Variants in TRIM33 observed in about 807,000 individuals in gnomAD.
TRIM33 encodes the protein E3 ubiquitin-protein ligase TRIM33.
Under a neutral mutation model 125.4 loss-of-function variants are expected in TRIM33, and 20 were observed. That is an observed-to-expected ratio of 0.16 (90% confidence interval 0.11 to 0.23). The LOEUF is 0.23. Among genes scored for constraint, TRIM33 ranks in the 10% least tolerant of loss-of-function variants. The pLI is 1.00. For synonymous variants in TRIM33, 564 were observed against 513.9 expected (o/e 1.10, Z -1.32); for missense variants, 920 against 1,411.4 (o/e 0.65, Z 5.58).
intron 1 of TRIM33, among the ~76,000 whole-genome samples, chr1:114,501,704 G>T (rs1182885258): frequency 6.6e-6 from 1 of 151,842 alleles, no homozygotes; most frequent in Non-Finnish European, 1.5e-5. Flanking sequence ...CATCAACAAA[G>T]GATCAGTATA....
chr1:114,401,339 C>A, intron 17 of TRIM33, 50 bp downstream of exon 17: 1 of 1,529,068 alleles, frequency 6.5e-7, no homozygotes, highest in Middle Eastern at 1.7e-4. Flanking sequence ...AGCCCATACT[C>A]TTAAGTATTA....
chr1:114,434,283 G>A (rs564156135), intron 4 of TRIM33, among the ~76,000 whole-genome samples: 1 of 152,328 alleles, frequency 6.6e-6, no homozygotes, highest in South Asian at 2.1e-4. Flanking sequence ...TAGGATTACA[G>A]GAGTGGGCCA....
chr1:114,485,375 C>T (rs1223854903), intron 1 of TRIM33, among the ~76,000 whole-genome samples: 2 of 151,908 alleles, frequency 1.3e-5, no homozygotes, highest in Admixed American at 6.6e-5. Context: ...TCCCACCTGG[C>T]AATAATAAGG....
chr1:114,418,136 T>C (rs1336806750), intron 11 of TRIM33, among the ~76,000 whole-genome samples: 1 of 152,168 alleles, frequency 6.6e-6, no homozygotes, highest in Non-Finnish European at 1.5e-5. Flanking sequence ...CCTACAATCA[T>C]GGCAGAAGGC....
Position 114,427,915 on chromosome 1 carries a change from C to T in TRIM33, c.1156-21G>A, listed in dbSNP as rs199868272. On this transcript the variant is annotated intron_variant, in intron 6 of 19. Transcript: ENST00000358465. ...ACATTCTGAAACAGAACAAGAGCTT[C>T]GCTGTAGAATTCCATATGAAAAAAA... The T allele has an allele frequency of 2.0e-4, 323 of 1,611,282 alleles. 2 individuals are homozygous for T. The highest frequency in any genetic ancestry group is 1.1e-3 in the African/African-American group (82 of 74,912).
At chr1:114,510,520 G>A in intron 1 of TRIM33, 31 bp downstream of exon 1, 3 of 1,448,928 alleles carry the variant, frequency 2.1e-6, no homozygotes, top group Non-Finnish European at 2.7e-6. Flanking sequence ...ATCCCTTGCG[G>A]CCCAGATGCC....
chr1:114,419,188 T>A (rs1482489102), intron 11 of TRIM33, among the ~76,000 whole-genome samples: 1 of 106,564 alleles, frequency 9.4e-6, no homozygotes. Context: ...GCAACAGAGC[T>A]AGACACCATC....
chr1:114,456,118 G>T (rs549514835), intron 4 of TRIM33, among the ~76,000 whole-genome samples: 1 of 152,114 alleles, frequency 6.6e-6, no homozygotes, highest in Non-Finnish European at 1.5e-5. Context: ...AGGTGGTTAC[G>T]TCTTCATTAC....
In TRIM33 at chr1:114,425,583, G is replaced by C; in HGVS notation, c.1561C>G (p.Gln521Glu). 1 of 1,614,122 alleles carries C rather than the reference G, an allele frequency of 6.2e-7. No individual in the cohort carries two copies. Among genetic ancestry groups the C allele is most frequent in the Non-Finnish European group, 8.5e-7 (1 of 1,180,016 alleles). Residue 521 changes from glutamine (Q) to glutamate (E), a missense_variant, in exon 9 of 20, where the codon CAA becomes GAA. Coordinates refer to ENST00000358465, the MANE Select transcript of TRIM33 (RefSeq NM_015906.4). ...TGATGTTTCTGTGCATATACTTGTT[G>C]TTGCATGTGCTGGAGTCGAAGCTGT... ...LAQLRLQHMQ[Q>E]QVYAQKHQQL...
Position 114,410,270 on chromosome 1 carries a change from T to C in TRIM33, c.2108A>G (p.Tyr703Cys). The change falls in exon 12 of 20, where the codon TAC becomes TGC. Residue 703 changes from tyrosine (Y) to cysteine (C), a missense_variant. Tyr to Cys is a radical substitution (Grantham distance 194). Coordinates refer to ENST00000358465, the MANE Select transcript of TRIM33 (RefSeq NM_015906.4). ...TGGGGGTAGGTGACTGCCTGAGATGTATCTACTTAGTAGATTATCTAAACT... is the reference window on the plus strand; with the variant it reads ...TGGGGGTAGGTGACTGCCTGAGATGCATCTACTTAGTAGATTATCTAAACT... ...SSSLDNLLSRYISGSHLPPQP... is the reference protein window; with the variant it reads ...SSSLDNLLSRCISGSHLPPQP... 6.2e-7 allele frequency: 1 copy of C among 1,613,798 alleles called. No homozygotes were observed. The highest frequency in any genetic ancestry group is 8.5e-7 in the Non-Finnish European group (1 of 1,179,714).
intron 4 of TRIM33, among the ~76,000 whole-genome samples, chr1:114,447,200 G>T (rs771658191): frequency 5.3e-5 from 8 of 152,150 alleles, no homozygotes; most frequent in Non-Finnish European, 1.2e-4. Flanking sequence ...TAGAAGCATA[G>T]AGACTACTGC....
At chr1:114,485,279 T>C (rs1651607700) in intron 1 of TRIM33, among the ~76,000 whole-genome samples, 1 of 136,928 alleles carries the variant, frequency 7.3e-6, no homozygotes, top group South Asian at 2.2e-4. Flanking sequence ...GAAGCCCCCA[T>C]TTTTTTTTTA....
chr1:114,432,954 T>G (rs1214152326), intron 5 of TRIM33, among the ~76,000 whole-genome samples: 1 of 152,220 alleles, frequency 6.6e-6, no homozygotes, highest in Non-Finnish European at 1.5e-5. Flanking sequence ...ATATTAACCT[T>G]ATTCATACCC....
intron 11 of TRIM33, among the ~76,000 whole-genome samples, chr1:114,414,390 C>G (rs1342724691): frequency 1.3e-5 from 2 of 151,936 alleles, no homozygotes; most frequent in African/African-American, 4.8e-5. Context: ...TTCCATTTTC[C>G]TCTACAGAAC....
Position 114,396,225 on chromosome 1 carries a change from A to C in TRIM33, c.*1423T>G, listed in dbSNP as rs1465316647. ...CACACATTTTGAATCTGAGCATCAC[A>C]AATGAAGAAAAGAAAAATGAACCAG... On this transcript the variant is annotated 3_prime_UTR_variant, in exon 20 of 20. Coordinates refer to ENST00000358465, the MANE Select transcript of TRIM33 (RefSeq NM_015906.4). The C allele has an allele frequency of 4.9e-6, 1 of 204,114 alleles. No homozygotes were observed. Among genetic ancestry groups the C allele is most frequent in the East Asian group, 7.5e-5 (1 of 13,374 alleles). 12.6% of individuals were successfully genotyped at this position (204,114 alleles called of 1,614,324 possible).
chr1:114,509,756 A>G (rs1231966620), intron 1 of TRIM33, among the ~76,000 whole-genome samples: 1 of 151,954 alleles, frequency 6.6e-6, no homozygotes, highest in East Asian at 1.9e-4. Flanking sequence ...CTGAGGACTC[A>G]CCTCCACTGC....
intron 1 of TRIM33, among the ~76,000 whole-genome samples, chr1:114,464,616 A>G (rs985601709): frequency 2.6e-5 from 4 of 152,194 alleles, no homozygotes; most frequent in Non-Finnish European, 5.9e-5. Flanking sequence ...TCCTCATTAT[A>G]ATATGTGGTT....
At chr1:114,436,198 C>G (rs967254001) in intron 4 of TRIM33, among the ~76,000 whole-genome samples, 2 of 151,398 alleles carry the variant, frequency 1.3e-5, no homozygotes, top group South Asian at 4.2e-4. Flanking sequence ...GTCAGGAGAT[C>G]GAGACCATCC....
intron 1 of TRIM33, chr1:114,490,928 G>A (rs1205496743): frequency 3.3e-5 from 5 of 152,100 alleles, no homozygotes; most frequent in East Asian, 1.9e-4. Context: ...CGTATATTTC[G>A]ATTTGTAAGA....
Sources: allele counts gnomAD v4.1 joint callset (sites outside exome capture counted in the v4.1 genomes callset), GRCh38; gene constraint gnomAD v4.1.1; transcripts MANE v1.5; gene names NCBI Gene and HGNC (gene_info 2026-07-23, HGNC 2026-07-21).